Variants in LRP6 observed in about 807,000 individuals in gnomAD.
The protein encoded by LRP6 is low-density lipoprotein receptor-related protein 6.
LRP6 carries 43 observed loss-of-function variants against 184.1 expected under a neutral mutation model. The ratio of observed to expected loss-of-function variants is 0.23; its 90% CI spans 0.18 to 0.30. LRP6 has a LOEUF of 0.30. Ranked by LOEUF, LRP6 falls within the 10% of genes least tolerant of loss-of-function variation. LRP6 has a pLI of 1.00. For missense variants in LRP6, 1,571 were observed against 2,005.3 expected (o/e 0.78, Z 4.14); for synonymous variants, 719 against 684.9 (o/e 1.05, Z -0.78).
At chr12:12,151,135 AC>A (rs1950075665) in intron 12 of LRP6, 97 bp from the exon 13 acceptor site, 1 of 1,109,198 alleles carries the variant, frequency 9.0e-7, no homozygotes, top group Non-Finnish European at 1.3e-6. Context: ...TTCATACAAA[AC>A]AGACATAGAT....
intron 16 of LRP6, among the ~76,000 whole-genome samples, chr12:12,137,530 T>G (rs143162868): frequency 3.9e-5 from 6 of 152,312 alleles, no homozygotes; most frequent in African/African-American, 1.4e-4. Flanking sequence ...CACCTACTAA[T>G]TAAACAGAGT....
intron 7 of LRP6, among the ~76,000 whole-genome samples, chr12:12,167,599 C>T (rs560468240): frequency 4.0e-5 from 6 of 151,276 alleles, no homozygotes; most frequent in East Asian, 1.9e-4. Context: ...GCCGAGATCG[C>T]GCCACTGCAC....
intron 6 of LRP6, among the ~76,000 whole-genome samples, chr12:12,180,239 T>C (rs1565609519): frequency 8.3e-6 from 1 of 120,574 alleles, no homozygotes; most frequent in African/African-American, 2.9e-5. Flanking sequence ...CAGTTTTACT[T>C]CTTTTTTTTT....
At chr12:12,172,147 A>T (rs1863063970) in intron 7 of LRP6, among the ~76,000 whole-genome samples, 1 of 152,220 alleles carries the variant, frequency 6.6e-6, no homozygotes, top group Non-Finnish European at 1.5e-5. Context: ...AGTTAAACTG[A>T]AATTAGGCTT....
Position 12,126,448 on chromosome 12 carries a change from G to A in LRP6, c.4312+243C>T, listed in dbSNP as rs533685002. Among the ~76,000 whole-genome samples, 6 of 152,314 alleles carry A rather than the reference G, an allele frequency of 3.9e-5. No homozygotes were observed. The East Asian group carries it at 1.2e-3, about 29-fold the overall frequency. The stretch of plus-strand genomic sequence containing the variant: ...GCATGCATCCAGAATTGCAGTCAGA[G>A]AGGCTTAGAGCTTGCATATGTATTT... On this transcript the variant is annotated intron_variant, in intron 20 of 22. Transcript: ENST00000261349.
intron 3 of LRP6, among the ~76,000 whole-genome samples, chr12:12,188,537 G>A (rs935204342): frequency 2.4e-4 from 36 of 152,178 alleles, no homozygotes; most frequent in African/African-American, 8.4e-4. Context: ...TAAATTAAAA[G>A]CAATTAAGGT....
At chr12:12,153,800 A>G (rs369532613) in intron 12 of LRP6, among the ~76,000 whole-genome samples, 24 of 152,340 alleles carry the variant, frequency 1.6e-4, no homozygotes, top group African/African-American at 5.5e-4. Context: ...GAGACATCAG[A>G]GAAGCTGGAG....
chr12:12,254,814 G>T (rs1401726503), intron 1 of LRP6, among the ~76,000 whole-genome samples: 1 of 152,174 alleles, frequency 6.6e-6, no homozygotes, highest in African/African-American at 2.4e-5. Context: ...AATTAAGCAA[G>T]ATCACTTCCC....
chr12:12,228,258 G>A (rs1864683938), intron 2 of LRP6, among the ~76,000 whole-genome samples: 1 of 152,164 alleles, frequency 6.6e-6, no homozygotes, highest in African/African-American at 2.4e-5. Flanking sequence ...AGCTACTGGG[G>A]AGGCTGGAGG....
intron 15 of LRP6, 105 bp downstream of exon 15, chr12:12,147,261 A>C (rs1043144964): frequency 3.1e-6 from 4 of 1,304,818 alleles, no homozygotes. Context: ...TTAATGAATA[A>C]AACTGCCAAG....
chr12:12,229,025 C>T (rs560903656), intron 2 of LRP6, among the ~76,000 whole-genome samples: 13 of 152,286 alleles, frequency 8.5e-5, no homozygotes, highest in Non-Finnish European at 1.9e-4. Context: ...GGGAAAAAAA[C>T]ATTCTCAAGA....
At chr12:12,162,019 T>C (rs916195475) in intron 10 of LRP6, among the ~76,000 whole-genome samples, 174 bp downstream of exon 10, 1 of 151,040 alleles carries the variant, frequency 6.6e-6, no homozygotes, top group Non-Finnish European at 1.5e-5. Context: ...TAGCTAATAA[T>C]TATTCATTCA....
rs564197177 is a variant in LRP6 at position 12,266,863 on chromosome 12, G to A, written c.-128C>T. 1.6e-3 allele frequency: 1,300 copies of A among 812,416 alleles called. 1 individual carries two copies. The highest frequency in any genetic ancestry group is 2.3e-3 in the Non-Finnish European group (1,108 of 478,542). 50.3% of individuals were successfully genotyped at this position (812,416 alleles called of 1,614,324 possible). On this transcript the variant is annotated 5_prime_UTR_variant, in exon 1 of 23. Transcript: ENST00000261349. Reference sequence around the variant, plus strand: ...ACTTCCCAGCTTCCCAGCGAGAGAAGAAAGAAAGGGGCACGTCAAGGTTCC... The same window carrying A: ...ACTTCCCAGCTTCCCAGCGAGAGAAAAAAGAAAGGGGCACGTCAAGGTTCC...
At chr12:12,253,106 A>G (rs1279716959) in intron 1 of LRP6, among the ~76,000 whole-genome samples, 2 of 152,122 alleles carry the variant, frequency 1.3e-5, no homozygotes, top group Non-Finnish European at 2.9e-5. Flanking sequence ...TCTACCAAAA[A>G]TATAAAAATT....
Position 12,121,218 on chromosome 12 carries a change from A to C in LRP6, c.4750T>G (p.Tyr1584Asp). 1 of 1,614,136 alleles carries C rather than the reference A, an allele frequency of 6.2e-7. No individual in the cohort carries two copies. The highest frequency in any genetic ancestry group is 2.2e-5 in the East Asian group (1 of 44,878). Reference sequence around the variant, plus strand: ...TATGGAGAAGGTGGGCAGCTTTCATAGTTCTCCTCTGCTGACAAGTATTGG... The same window carrying C: ...TATGGAGAAGGTGGGCAGCTTTCATCGTTCTCCTCTGCTGACAAGTATTGG... ...RSQYLSAEEN[Y>D]ESCPPSPYTE... Residue 1584 changes from tyrosine (Y) to aspartate (D), a missense_variant, in exon 23 of 23, where the codon TAT (tyrosine) becomes GAT (aspartate). Around this residue, in one of 4 missense-constraint regions of LRP6, gnomAD observed 763 missense variants for 859.5 expected, o/e 0.89. Coordinates refer to ENST00000261349, the MANE Select transcript of LRP6 (RefSeq NM_002336.3).
At chr12:12,174,184 T>A (rs1442663652) in intron 7 of LRP6, among the ~76,000 whole-genome samples, 1 of 152,118 alleles carries the variant, frequency 6.6e-6, no homozygotes, top group African/African-American at 2.4e-5. Context: ...TGATCTCGGC[T>A]CACTGCAACC....
intron 7 of LRP6, among the ~76,000 whole-genome samples, chr12:12,167,979 CCTCCCATTTCCTA>C (rs1278858872): frequency 6.6e-6 from 1 of 152,106 alleles, no homozygotes; most frequent in East Asian, 1.9e-4. Context: ...ACAGCTACAG[CCTCCCATTTCCTA>C]CTCCCATTTT....
intron 1 of LRP6, among the ~76,000 whole-genome samples, chr12:12,258,783 A>G (rs1434887206): frequency 1.3e-5 from 2 of 152,344 alleles, no homozygotes; most frequent in Admixed American, 6.5e-5. Context: ...CTTAAATTAT[A>G]CGTACCAATA....
At position 12,199,964 on chromosome 12, in the gene LRP6, C is replaced by CAA. The variant is rs146224493; in HGVS notation, c.647+3237_647+3238dup. ...TGGGCAACAGAGCGAGACTCCATCTCAAAAAAAAAAAAAAAAAAAAAAAAA... is the reference window on the plus strand; with the variant it reads ...TGGGCAACAGAGCGAGACTCCATCTCAAAAAAAAAAAAAAAAAAAAAAAAAAA... On this transcript the variant is annotated intron_variant, in intron 3 of 22. Coordinates refer to ENST00000261349, the MANE Select transcript of LRP6 (RefSeq NM_002336.3). 2.9e-3 allele frequency among the ~76,000 whole-genome samples: 133 copies of CAA among 45,202 alleles called. 9 individuals are homozygous for CAA. The highest frequency in any genetic ancestry group is 0.011 in the African/African-American group (113 of 10,264). The allele number at this position is 45,202 out of a possible 152,430, so 29.7% of individuals were successfully genotyped here. A position where few individuals can be genotyped will look rare whatever the true frequency, so the allele number is the denominator to read the frequency against.
Sources: allele counts gnomAD v4.1 joint callset (sites outside exome capture counted in the v4.1 genomes callset), GRCh38; gene constraint gnomAD v4.1.1; regional missense constraint gnomAD v4.1.1; transcripts MANE v1.5; gene names NCBI Gene and HGNC (gene_info 2026-07-23, HGNC 2026-07-21).